PTBP1: variants seen among roughly 807,000 people sequenced by gnomAD.
PTBP1 encodes polypyrimidine tract binding protein 1.
In PTBP1, 8 loss-of-function variants were observed where a neutral mutation model predicts 59.8. That is an observed-to-expected ratio of 0.13 (90% CI 0.08 to 0.24). The LOEUF is 0.24. PTBP1 is among the 10% of genes least tolerant of loss of function. The probability of loss-of-function intolerance (pLI) is 1.00; values close to 1 mark genes in which losing one functional copy is unlikely to be tolerated. For synonymous variants in PTBP1, 490 were observed against 320.7 expected (o/e 1.53, Z -5.64); for missense variants, 686 against 767.0 (o/e 0.89, Z 1.25).
At chr19:806,121 CTG>C (rs953398527) in intron 9 of PTBP1, 36 of 359,138 alleles carry the variant, frequency 1.0e-4, no homozygotes, top group Middle Eastern at 7.3e-4. Context: ...GGCCCCGTGT[CTG>C]TGCTGGCGGA....
chr19:806,184 C>T (rs1218843119), intron 9 of PTBP1: 4 of 473,974 alleles, frequency 8.4e-6, no homozygotes, highest in African/African-American at 8.3e-5. Flanking sequence ...GAGCCCAGGC[C>T]CGGCCCGGCC....
intron 8 of PTBP1, 108 bp from the exon 9 acceptor site, chr19:805,384 G>A (rs2034518929): frequency 4.8e-6 from 6 of 1,261,156 alleles, no homozygotes; most frequent in East Asian, 2.3e-5. Context: ...TGCCCGCGAA[G>A]GCTCTGCCGG....
chr19:810,742 G>C lies in PTBP1; in HGVS notation c.1590G>C (p.Ala530=). ...ALIQMGSVEE[A]VQALIDLHNH... The stretch of plus-strand genomic sequence containing the variant: ...TCCAGATGGGCTCCGTGGAGGAGGC[G>C]GTCCAGGCCCTCATTGACCTGCACA... The change falls in exon 15 of 15, where the codon GCG becomes GCC. Residue 530 remains alanine, a synonymous_variant. Transcript: ENST00000356948. 6.2e-7 allele frequency: 1 copy of C among 1,608,056 alleles called. No homozygotes were observed. The highest frequency in any genetic ancestry group is 8.5e-7 in the Non-Finnish European group (1 of 1,178,292).
intron 14 of PTBP1, 28 bp downstream of exon 14, chr19:810,648 T>C (rs1473927270): frequency 3.1e-6 from 5 of 1,611,916 alleles, no homozygotes; most frequent in Non-Finnish European, 2.5e-6. Context: ...TGTCCCTGGC[T>C]CTCCCCAGGC....
chr19:810,500 C>G (rs772549330), intron 13 of PTBP1, 43 bp from the exon 14 acceptor site: 1 of 1,569,392 alleles, frequency 6.4e-7, no homozygotes, highest in East Asian at 2.3e-5. Context: ...TGGGCGCCCC[C>G]ACCCCCACGC....
At chr19:799,311 A>T (rs754210215) in intron 1 of PTBP1, 102 bp from the exon 2 acceptor site, 10 of 1,048,634 alleles carry the variant, frequency 9.5e-6, no homozygotes. Flanking sequence ...CGGAGGTGGC[A>T]GCTGCAGGGA....
chr19:799,427 T>C lies in PTBP1; in HGVS notation c.23T>C (p.Ile8Thr), dbSNP rs765856272. MDGIVPD[I>T]AVGTKRGSDE... ...TCTCTCTACAGCATTGTCCCAGATA[T>C]AGCCGTTGGTACAAAGGTAGGCACT... The change falls in exon 2 of 15, where the codon ATA becomes ACA. Residue 8 changes from isoleucine (I) to threonine (T), a missense_variant. Coordinates refer to ENST00000356948, the MANE Select transcript of PTBP1 (RefSeq NM_002819.5). The C allele has an allele frequency of 1.9e-5, 31 of 1,613,866 alleles. No homozygotes were observed. The highest frequency in any genetic ancestry group is 1.6e-4 in the Middle Eastern group (1 of 6,082).
Position 810,335 on chromosome 19 carries a change from CTG to C in PTBP1, c.1464-206_1464-205del, listed in dbSNP as rs2034798528. ...AAAAAAAGTGGAGGAGCGTGGTACT[CTG>C]TTTCTGCAAACTTGTAGATGCCTGG... On this transcript the variant is annotated intron_variant, in intron 13 of 14. Coordinates refer to ENST00000356948, the MANE Select transcript of PTBP1 (RefSeq NM_002819.5). Among the ~76,000 whole-genome samples the C allele has an allele frequency of 3.9e-5, 6 of 152,186 alleles. No homozygotes were observed. In the South Asian group the frequency reaches 1.2e-3, roughly 32 times the overall value.
At chr19:801,939 C>T (rs1441573654) in intron 2 of PTBP1, among the ~76,000 whole-genome samples, 1 of 152,210 alleles carries the variant, frequency 6.6e-6, no homozygotes, top group African/African-American at 2.4e-5. Context: ...CTGTGTCCGG[C>T]CGGAACCTCA....
intron 1 of PTBP1, among the ~76,000 whole-genome samples, chr19:798,965 TGGG>T (rs374190226): frequency 5.3e-5 from 8 of 152,250 alleles, no homozygotes; most frequent in African/African-American, 1.9e-4. Context: ...GGCACCCTCT[TGGG>T]GGCCCACCCC....
In PTBP1 at chr19:804,020, G is replaced by GGC; in HGVS notation, c.116-15_116-14dup. On this transcript the variant is annotated splice_polypyrimidine_tract_variant and intron_variant, in intron 3 of 14. Transcript: ENST00000356948. ...CTGCGAGTTGGTGCCTGCATCTCAT[G>GGC]GCACCCCCTTTTCAGCAAACGGAAA... 1.9e-6 allele frequency: 3 copies of GGC among 1,613,788 alleles called. No homozygotes were observed. The highest frequency in any genetic ancestry group is 2.5e-6 in the Non-Finnish European group (3 of 1,179,976).
chr19:810,800 G>A lies in PTBP1; in HGVS notation c.1648G>A (p.Val550Ile). 6.3e-7 allele frequency: 1 copy of A among 1,590,666 alleles called. No homozygotes were observed. Among genetic ancestry groups the A allele is most frequent in the Non-Finnish European group, 8.5e-7 (1 of 1,172,102 alleles). ...HDLGENHHLR[V>I]SFSKSTI The stretch of plus-strand genomic sequence containing the variant: ...CCTCGGGGAGAACCACCACCTGCGG[G>A]TCTCCTTCTCCAAGTCCACCATCTA... Residue 550 changes from valine (V) to isoleucine (I), a missense_variant, in exon 15 of 15, where the codon GTC becomes ATC. Coordinates refer to ENST00000356948, the MANE Select transcript of PTBP1 (RefSeq NM_002819.5).
rs781548082 is a variant in PTBP1, at chr19:805,179, C to T, written c.884C>T (p.Ala295Val). The change falls in exon 8 of 15, where the codon GCG becomes GTG. Residue 295 changes from alanine to valine, a missense_variant. By Grantham distance (64) the Ala-to-Val change is moderately conservative. Coordinates refer to ENST00000356948, the MANE Select transcript of PTBP1 (RefSeq NM_002819.5). ...CCCTCGCTGGACCAGACCATGGCCGCGGCCTTCGGTAAGAGGCTGCCCGAC... is the reference window on the plus strand; with the variant it reads ...CCCTCGCTGGACCAGACCATGGCCGTGGCCTTCGGTAAGAGGCTGCCCGAC... ...SQPSLDQTMA[A>V]AFGAPGIISA... is the part of the protein sequence containing the mutation. 1.5e-5 allele frequency: 24 copies of T among 1,613,216 alleles called. No homozygotes were observed. Among genetic ancestry groups the T allele is most frequent in the South Asian group, 2.2e-5 (2 of 91,082 alleles).
chr19:804,227 T>C lies in PTBP1; in HGVS notation c.288+19T>C, dbSNP rs2034458842. ...AAACCAGGTACCTGAGCCGCGTTTC[T>C]CCGGGGTGCTCACACCGTGCAGGCG... On this transcript the variant is annotated intron_variant, in intron 4 of 14. Transcript: ENST00000356948. 1.9e-6 allele frequency: 3 copies of C among 1,607,430 alleles called. No individual in the cohort carries two copies. The Admixed American group carries it at 5.0e-5, about 27-fold the overall frequency.
In PTBP1 at chr19:806,415, C is replaced by T. The variant is rs908899798; in HGVS notation, c.978C>T (p.Ser326=). The T allele has an allele frequency of 8.7e-6, 14 of 1,602,148 alleles. No homozygotes were observed. Among genetic ancestry groups the T allele is most frequent in the East Asian group, 2.3e-5 (1 of 43,540 alleles). The part of the protein sequence containing the change: ...TFAIPQAAGL[S]VPNVHGALAP... ...CACCTCCTGCTTTTCCAGGCCTTTC[C>T]GTTCCGAACGTCCACGGCGCCCTGG... The change falls in exon 10 of 15, where the codon TCC becomes TCT. Residue 326 remains serine (S), a synonymous_variant. Transcript: ENST00000356948.
Position 804,519 on chromosome 19 carries a change from G to A in PTBP1, c.436-13G>A, listed in dbSNP as rs986906300. 1 of 1,598,634 alleles carries A rather than the reference G, an allele frequency of 6.3e-7. No individual in the cohort carries two copies. On this transcript the variant is annotated splice_polypyrimidine_tract_variant and intron_variant, in intron 5 of 14. Coordinates refer to ENST00000356948, the MANE Select transcript of PTBP1 (RefSeq NM_002819.5). ...CCGCAGGGGCCGGGGACTCACGGCT[G>A]TGCCTCCCACAGCGGGCCCAGGCGG...
chr19:800,787 C>T (rs559559378), intron 2 of PTBP1, among the ~76,000 whole-genome samples: 16 of 152,310 alleles, frequency 1.1e-4, no homozygotes, highest in African/African-American at 2.4e-4. Context: ...GTCGTCTCTT[C>T]CCTGCTTCTG....
At chr19:798,680 C>T (rs958278505) in intron 1 of PTBP1, 2 of 152,390 alleles carry the variant, frequency 1.3e-5, no homozygotes, top group Non-Finnish European at 2.9e-5. Context: ...CTCCGAGTCA[C>T]TTAGGGCCTC....
chr19:803,749 C>G, intron 3 of PTBP1, 113 bp downstream of exon 3: 2 of 1,000,954 alleles, frequency 2.0e-6, no homozygotes, highest in South Asian at 1.4e-5. Context: ...GGCCCATGGT[C>G]CACGCTACAG....
Sources: gnomAD v4.1 joint callset for allele counts (sites outside exome capture counted in the v4.1 genomes callset) on GRCh38, gnomAD v4.1.1 for gene constraint, MANE v1.5 for transcripts, NCBI Gene and HGNC (gene_info 2026-07-23, HGNC 2026-07-21) for gene names.